The following MPRIP variants were observed in gnomAD, a reference collection of about 807,000 sequenced individuals.
The protein encoded by MPRIP is myosin phosphatase Rho-interacting protein.
A neutral mutation model predicts 234.9 loss-of-function variants in MPRIP; 59 were observed. The observed-to-expected ratio is 0.25, with a 90% CI of 0.20 to 0.31. The LOEUF (loss-of-function observed/expected upper bound fraction) is 0.31, where lower values mean the gene tolerates loss of function less well. MPRIP is among the 10% of genes least tolerant of loss of function. The pLI is 1.00. For missense variants in MPRIP, 2,436 were observed against 3,071.0 expected, an observed-to-expected ratio of 0.79 and a Z score of 4.89; for synonymous variants, 1,144 against 1,263.9, an observed-to-expected ratio of 0.91 and a Z score of 2.01.
At chr17:17,120,045 C>T (rs1047343212) in intron 3 of MPRIP, among the ~76,000 whole-genome samples, 32 of 152,190 alleles carry the variant, frequency 2.1e-4, no homozygotes, top group African/African-American at 7.7e-4. Flanking sequence ...AATTCTTTGC[C>T]CTAGGGGAAA....
At chr17:17,099,962 G>A (rs1443636680) in intron 3 of MPRIP, among the ~76,000 whole-genome samples, 2 of 152,128 alleles carry the variant, frequency 1.3e-5, no homozygotes, top group Non-Finnish European at 1.5e-5. Flanking sequence ...AGAATCAGAT[G>A]GGACATCTCC....
intron 3 of MPRIP, among the ~76,000 whole-genome samples, chr17:17,104,802 C>T (rs571318246): frequency 6.6e-6 from 1 of 152,334 alleles, no homozygotes; most frequent in African/African-American, 2.4e-5. Flanking sequence ...TTCATAAAAG[C>T]ATGGGCCTGT....
At chr17:17,058,622 CCCT>C (rs1266603678) in intron 1 of MPRIP, among the ~76,000 whole-genome samples, 4 of 152,114 alleles carry the variant, frequency 2.6e-5, no homozygotes, top group Non-Finnish European at 4.4e-5. Flanking sequence ...CTGTCACAGC[CCCT>C]CCTCCTGGCC....
chr17:17,149,342 A>T (rs908027448), intron 11 of MPRIP, among the ~76,000 whole-genome samples: 4 of 152,072 alleles, frequency 2.6e-5, no homozygotes, highest in Non-Finnish European at 5.9e-5. Context: ...AAAATACAAA[A>T]ATTAGCTGGG....
chr17:17,059,549 G>A (rs1204334648), intron 1 of MPRIP, among the ~76,000 whole-genome samples: 1 of 152,196 alleles, frequency 6.6e-6, no homozygotes, highest in Non-Finnish European at 1.5e-5. Context: ...TCCCACAGAC[G>A]GTGTCCCCTG....
At chr17:17,052,842 A>G (rs2088583185) in intron 1 of MPRIP, among the ~76,000 whole-genome samples, 1 of 152,236 alleles carries the variant, frequency 6.6e-6, no homozygotes, top group Admixed American at 6.5e-5. Context: ...GAATCAGGAA[A>G]TAGCTTTGTC....
chr17:17,146,123 G>A (rs1384983129), intron 10 of MPRIP, 31 bp downstream of exon 10: 1 of 1,602,860 alleles, frequency 6.2e-7, no homozygotes. Flanking sequence ...TGGCCCCTGA[G>A]GGATCTGGGG....
At chr17:17,063,208 C>T (rs2088919300) in intron 1 of MPRIP, among the ~76,000 whole-genome samples, 2 of 152,192 alleles carry the variant, frequency 1.3e-5, no homozygotes, top group South Asian at 4.1e-4. Context: ...GCACTCAGAG[C>T]TGTTAGGGAG....
chr17:17,173,820 C>G, intron 18 of MPRIP, 96 bp from the exon 19 acceptor site: 1 of 1,406,296 alleles, frequency 7.1e-7, no homozygotes, highest in Non-Finnish European at 1.0e-6. Context: ...TGGGCCTGAC[C>G]TGTGCTTGGC....
rs202019105 is a variant in MPRIP, at chr17:17,142,489, C to T, written c.1251-138C>T. 242 of 977,226 alleles carry T rather than the reference C, an allele frequency of 2.5e-4. 3 individuals carry two copies. In the East Asian group the frequency reaches 5.1e-3, roughly 21 times the overall value. The allele number at this position is 977,226 out of a possible 1,614,324, so 60.5% of individuals were successfully genotyped here. A position where few individuals can be genotyped will look rare whatever the true frequency, so the allele number is the denominator to read the frequency against. ...AGGCAGAGCTCGGGTCAGCTGAGCA[C>T]GTGTCTAGACAACCTCGGTGCTGTG... is the stretch of plus-strand genomic sequence containing the variant. On this transcript the variant is annotated intron_variant, in intron 7 of 23. Transcript: ENST00000651222.
intron 3 of MPRIP, among the ~76,000 whole-genome samples, chr17:17,123,941 G>A (rs4074819): frequency 0.13 from 19,764 of 152,000 alleles, 1,831 homozygotes; most frequent in East Asian, 0.3. Flanking sequence ...TATTGAAGAG[G>A]GCATAAAAGG....
chr17:17,131,791 ACAGT>A (rs1390571758), intron 5 of MPRIP, 90 bp downstream of exon 5: 5 of 1,206,278 alleles, frequency 4.1e-6, no homozygotes, highest in African/African-American at 3.0e-5. Context: ...GGGTGAGGAC[ACAGT>A]CAGGCCAGGG....
At chr17:17,119,012 G>A (rs1015791935) in intron 3 of MPRIP, among the ~76,000 whole-genome samples, 7 of 152,146 alleles carry the variant, frequency 4.6e-5, no homozygotes, top group Non-Finnish European at 8.8e-5. Flanking sequence ...AAGAAGAGCC[G>A]GGAGACCACC....
chr17:17,070,190 G>A (rs1194113812), intron 1 of MPRIP, among the ~76,000 whole-genome samples: 1 of 151,858 alleles, frequency 6.6e-6, no homozygotes, highest in African/African-American at 2.4e-5. Context: ...TTTTTCTCTG[G>A]CTTTCTTTGT....
At chr17:17,126,101 G>A (rs992301793) in intron 3 of MPRIP, among the ~76,000 whole-genome samples, 2 of 152,192 alleles carry the variant, frequency 1.3e-5, no homozygotes, top group African/African-American at 2.4e-5. Context: ...TAATTTCAGT[G>A]TGTAACAGTT....
intron 11 of MPRIP, among the ~76,000 whole-genome samples, chr17:17,148,400 G>A (rs1422002515): frequency 6.6e-6 from 1 of 152,222 alleles, no homozygotes; most frequent in Admixed American, 6.5e-5. Flanking sequence ...TGCACTGATG[G>A]TGCAAAAGCA....
At chr17:17,131,736 G>A in intron 5 of MPRIP, 35 bp downstream of exon 5, 1 of 1,591,806 alleles carries the variant, frequency 6.3e-7, no homozygotes, top group Non-Finnish European at 8.6e-7. Flanking sequence ...CATCCCCTCA[G>A]TGGAGCCAGG....
At chr17:17,132,757 G>A (rs1259580181) in intron 5 of MPRIP, among the ~76,000 whole-genome samples, 1 of 151,920 alleles carries the variant, frequency 6.6e-6, no homozygotes, top group Non-Finnish European at 1.5e-5. Context: ...CAGGGAGGCA[G>A]GTGGGGGACA....
chr17:17,046,351 G>A (rs994667676), intron 1 of MPRIP, among the ~76,000 whole-genome samples: 5 of 152,150 alleles, frequency 3.3e-5, no homozygotes, highest in Non-Finnish European at 2.9e-5. Context: ...TCGGCAAAGA[G>A]TCTTATAAAT....
Sources: gnomAD v4.1 joint callset for allele counts (sites outside exome capture counted in the v4.1 genomes callset) on GRCh38, gnomAD v4.1.1 for gene constraint, MANE v1.5 for transcripts, NCBI Gene and HGNC (gene_info 2026-07-23, HGNC 2026-07-21) for gene names.